Variants in GPC5 observed in about 807,000 individuals in gnomAD.
GPC5 encodes glypican-5.
GPC5 carries 47 observed loss-of-function variants against 53.9 expected under a neutral mutation model. The observed-to-expected ratio is 0.87, with a 90% CI of 0.69 to 1.11. The LOEUF (loss-of-function observed/expected upper bound fraction) is 1.11. Ranked by LOEUF, GPC5 falls within the 50% of genes most tolerant of loss-of-function variation. The pLI is 0.00. For missense variants in GPC5, 748 were observed against 713.1 expected (o/e 1.05, Z -0.56); for synonymous variants, 286 against 263.3 (o/e 1.09, Z -0.84).
chr13:91,427,433 A>C (rs947449395), intron 1 of GPC5, among the ~76,000 whole-genome samples: 2 of 152,290 alleles, frequency 1.3e-5, no homozygotes, highest in South Asian at 4.1e-4. Context: ...GGAGTTTTTA[A>C]GTTTTAATGC....
chr13:91,477,826 T>G (rs1380016620), intron 2 of GPC5, among the ~76,000 whole-genome samples: 1 of 151,886 alleles, frequency 6.6e-6, no homozygotes, highest in Non-Finnish European at 1.5e-5. Flanking sequence ...AGCATTTGAG[T>G]TTTTCAATCC....
chr13:91,854,311 T>A (rs1206602253), intron 5 of GPC5, among the ~76,000 whole-genome samples: 1 of 151,874 alleles, frequency 6.6e-6, no homozygotes, highest in Non-Finnish European at 1.5e-5. Context: ...GATATTTTGG[T>A]ATAAACATGA....
chr13:92,340,416 A>C (rs766887445), intron 7 of GPC5: 1 of 152,112 alleles, frequency 6.6e-6, no homozygotes, highest in Non-Finnish European at 1.5e-5. Flanking sequence ...AAAGATGGGA[A>C]TCTCTCTATG....
intron 2 of GPC5, among the ~76,000 whole-genome samples, chr13:91,468,563 G>A (rs867003123): frequency 5.9e-5 from 9 of 152,118 alleles, no homozygotes; most frequent in African/African-American, 2.2e-4. Context: ...GAGGTTACCG[G>A]AAGTGAGGTG....
chr13:91,647,872 T>G lies in GPC5; in HGVS notation c.326-45315T>G, dbSNP rs1282948939. ...TGGCATCTGTTTCCTAGAGGACTCT[T>G]TCTAACACACTGTATAAGGGACTAT... On this transcript the variant is annotated intron_variant, in intron 2 of 7. Transcript: ENST00000377067. 3.3e-5 allele frequency among the ~76,000 whole-genome samples: 5 copies of G among 152,210 alleles called. No homozygotes were observed. The East Asian group carries it at 9.6e-4, about 29-fold the overall frequency.
chr13:92,057,133 A>G (rs2041081385), intron 6 of GPC5, among the ~76,000 whole-genome samples: 1 of 152,154 alleles, frequency 6.6e-6, no homozygotes, highest in African/African-American at 2.4e-5. Context: ...AATTGATTCC[A>G]TATCTGGATG....
At chr13:92,193,235 A>G (rs913182283) in intron 7 of GPC5, among the ~76,000 whole-genome samples, 4 of 152,228 alleles carry the variant, frequency 2.6e-5, no homozygotes, top group Admixed American at 1.3e-4. Context: ...CAAGAATATT[A>G]TTAATTCAAT....
At chr13:92,545,350 T>G (rs1882071061) in intron 7 of GPC5, among the ~76,000 whole-genome samples, 1 of 152,208 alleles carries the variant, frequency 6.6e-6, no homozygotes. Flanking sequence ...TCCAATTCTT[T>G]GCTATTGTGA....
intron 6 of GPC5, among the ~76,000 whole-genome samples, chr13:92,106,003 T>C (rs2041506565): frequency 1.3e-5 from 2 of 152,062 alleles, no homozygotes; most frequent in Non-Finnish European, 2.9e-5. Flanking sequence ...TCACTTAAAC[T>C]TACATTTGTG....
At chr13:92,341,960 G>T (rs189633091) in intron 7 of GPC5, among the ~76,000 whole-genome samples, 30 of 152,188 alleles carry the variant, frequency 2.0e-4, no homozygotes, top group Non-Finnish European at 3.5e-4. Context: ...ATACTGTTTT[G>T]TTACGTAGGA....
chr13:92,096,546 T>C (rs548889229), intron 6 of GPC5, among the ~76,000 whole-genome samples: 13 of 152,332 alleles, frequency 8.5e-5, no homozygotes, highest in African/African-American at 3.1e-4. Flanking sequence ...GGTATGGTAG[T>C]GAGAGGTGGT....
intron 7 of GPC5, among the ~76,000 whole-genome samples, chr13:92,723,748 A>G (rs1888565970): frequency 6.6e-6 from 1 of 151,718 alleles, no homozygotes; most frequent in African/African-American, 2.4e-5. Flanking sequence ...AGTTTCTTGA[A>G]GAAACTACTT....
intron 6 of GPC5, among the ~76,000 whole-genome samples, chr13:92,092,154 C>G (rs1404701649): frequency 6.6e-6 from 1 of 152,128 alleles, no homozygotes; most frequent in Non-Finnish European, 1.5e-5. Context: ...TCCTGAAAAA[C>G]AGCTGAGCAG....
chr13:92,166,300 C>G (rs1320902563), intron 7 of GPC5, among the ~76,000 whole-genome samples: 1 of 152,136 alleles, frequency 6.6e-6, no homozygotes, highest in African/African-American at 2.4e-5. Context: ...AACAAGACCT[C>G]TAATTGCAGT....
At chr13:91,565,626 T>C (rs973573608) in intron 2 of GPC5, among the ~76,000 whole-genome samples, 1 of 152,234 alleles carries the variant, frequency 6.6e-6, no homozygotes, top group Non-Finnish European at 1.5e-5. Flanking sequence ...GCCATGGTTG[T>C]TTGTCCTAGG....
chr13:92,291,962 G>A (rs754324136), intron 7 of GPC5, among the ~76,000 whole-genome samples: 9 of 152,076 alleles, frequency 5.9e-5, no homozygotes, highest in Non-Finnish European at 1.2e-4. Flanking sequence ...CTCCGGACAC[G>A]CTGCCTTTAA....
chr13:92,774,231 T>C (rs559265055), intron 7 of GPC5, among the ~76,000 whole-genome samples: 36 of 152,314 alleles, frequency 2.4e-4, no homozygotes, highest in African/African-American at 7.7e-4. Flanking sequence ...AGCCATATCT[T>C]CTCTACTTAA....
intron 6 of GPC5, among the ~76,000 whole-genome samples, chr13:91,951,266 A>G (rs2040023352): frequency 6.6e-6 from 1 of 152,174 alleles, no homozygotes; most frequent in South Asian, 2.1e-4. Flanking sequence ...TTTCTATCAG[A>G]GATGTTATAA....
At chr13:92,556,289 A>G (rs1882491214) in intron 7 of GPC5, among the ~76,000 whole-genome samples, 1 of 151,798 alleles carries the variant, frequency 6.6e-6, no homozygotes, top group African/African-American at 2.4e-5. Context: ...TCTAGTTTTA[A>G]CTTTATTTTA....
Sources: gnomAD v4.1 joint callset for allele counts (sites outside exome capture counted in the v4.1 genomes callset) on GRCh38, gnomAD v4.1.1 for gene constraint, MANE v1.5 for transcripts, NCBI Gene and HGNC (gene_info 2026-07-23, HGNC 2026-07-21) for gene names.